The following ATXN1 variants were observed in gnomAD, a reference collection of about 807,000 sequenced individuals.
The protein encoded by ATXN1 is ataxin-1.
Under a neutral mutation model 56.4 loss-of-function variants are expected in ATXN1, and 8 were observed. The ratio of observed to expected loss-of-function variants is 0.14; its 90% CI spans 0.08 to 0.26. The LOEUF is 0.26. Among genes scored for constraint, ATXN1 ranks in the 10% least tolerant of loss-of-function variants. ATXN1 has a pLI of 1.00. For synonymous variants in ATXN1, 514 were observed against 494.6 expected, an observed-to-expected ratio of 1.04 and a Z score of -0.52; for missense variants, 987 against 1,106.5, an observed-to-expected ratio of 0.89 and a Z score of 1.53.
chr6:16,397,180 A>G (rs1449284740), intron 6 of ATXN1, among the ~76,000 whole-genome samples: 2 of 152,234 alleles, frequency 1.3e-5, no homozygotes, highest in African/African-American at 4.8e-5. Flanking sequence ...CAGTGAGAGT[A>G]TTTATATTAC....
rs138062979 is a variant in ATXN1, at chr6:16,708,070, G to A, written c.-615+45163C>T. Among the ~76,000 whole-genome samples, 385 of 152,150 alleles carry A rather than the reference G, an allele frequency of 2.5e-3. 2 individuals carry two copies. The highest frequency in any genetic ancestry group is 0.01 in the Middle Eastern group (3 of 294). Reference sequence around the variant, plus strand: ...ATGTGGTGGGGGGGAAGAATGATGCGTGTAAAATGAACATATACAATGACA... The same window carrying A: ...ATGTGGTGGGGGGGAAGAATGATGCATGTAAAATGAACATATACAATGACA... On this transcript the variant is annotated intron_variant, in intron 2 of 7. Coordinates refer to ENST00000436367, the MANE Select transcript of ATXN1 (RefSeq NM_001128164.2).
At chr6:16,681,373 C>T (rs774949104) in intron 2 of ATXN1, among the ~76,000 whole-genome samples, 17 of 152,176 alleles carry the variant, frequency 1.1e-4, no homozygotes, top group Admixed American at 1.3e-4. Context: ...CATGGGGCCA[C>T]GTGACAGCCT....
At position 16,327,458 on chromosome 6, in the gene ATXN1, GC is replaced by G; in HGVS notation, c.852del (p.Ser287ProfsTer38). The G allele has an allele frequency of 1.2e-6, 2 of 1,613,568 alleles. No homozygotes were observed. ...QTMIPHTLTL[G>X]PPSQVVMQYA... ...TATTGCATGACGACCTGGGAGGGGG[GC>G]CCCAGGGTGAGCGTGTGTGGGATCA... On this transcript the variant is annotated frameshift_variant, in exon 7 of 8. Coordinates refer to ENST00000436367, the MANE Select transcript of ATXN1 (RefSeq NM_001128164.2). LOFTEE classifies it high-confidence loss of function.
chr6:16,541,276 A>G (rs1761708648), intron 4 of ATXN1, among the ~76,000 whole-genome samples: 2 of 152,182 alleles, frequency 1.3e-5, no homozygotes. Context: ...ACTTTGAGAG[A>G]GGGTGACCAA....
chr6:16,726,318 C>T (rs1759848042), intron 2 of ATXN1, among the ~76,000 whole-genome samples: 1 of 146,364 alleles, frequency 6.8e-6, no homozygotes, highest in South Asian at 2.2e-4. Flanking sequence ...GGAGCAGAGG[C>T]TGCAGTGAGT....
chr6:16,501,673 T>C (rs940868990), intron 5 of ATXN1, among the ~76,000 whole-genome samples: 1 of 152,228 alleles, frequency 6.6e-6, no homozygotes, highest in African/African-American at 2.4e-5. Flanking sequence ...TATGGCTGCA[T>C]AGTATTCCAT....
At chr6:16,707,000 C>A (rs912692871) in intron 2 of ATXN1, among the ~76,000 whole-genome samples, 4 of 151,918 alleles carry the variant, frequency 2.6e-5, no homozygotes, top group African/African-American at 9.7e-5. Flanking sequence ...TTTCTGTCAC[C>A]TAAATGTCTC....
At chr6:16,607,081 T>C (rs1763023627) in intron 3 of ATXN1, among the ~76,000 whole-genome samples, 1 of 140,332 alleles carries the variant, frequency 7.1e-6, no homozygotes, top group Admixed American at 7.4e-5. Flanking sequence ...AGAGATGGGG[T>C]TTCACCAGTT....
chr6:16,731,467 T>C (rs1018172734), intron 2 of ATXN1, among the ~76,000 whole-genome samples: 1 of 101,510 alleles, frequency 9.9e-6, no homozygotes, highest in Non-Finnish European at 1.8e-5. Flanking sequence ...TTTTTTTTTT[T>C]TTTTTTTTTT....
intron 6 of ATXN1, among the ~76,000 whole-genome samples, chr6:16,384,902 G>C (rs569004282): frequency 3.1e-4 from 47 of 152,318 alleles, no homozygotes; most frequent in African/African-American, 1.0e-3. Context: ...TGTGAGAAGA[G>C]ACTAATACAT....
At chr6:16,608,758 G>C (rs1419874223) in intron 3 of ATXN1, among the ~76,000 whole-genome samples, 2 of 152,218 alleles carry the variant, frequency 1.3e-5, no homozygotes, top group African/African-American at 4.8e-5. Context: ...AGGGATACAG[G>C]TGTAGCTTAC....
intron 6 of ATXN1, among the ~76,000 whole-genome samples, chr6:16,369,318 GAT>G (rs1561869977): frequency 6.6e-6 from 1 of 152,152 alleles, no homozygotes; most frequent in East Asian, 1.9e-4. Flanking sequence ...AAAGAAACCC[GAT>G]ATCCAACAGA....
At chr6:16,424,412 T>C (rs989159828) in intron 6 of ATXN1, among the ~76,000 whole-genome samples, 1 of 152,182 alleles carries the variant, frequency 6.6e-6, no homozygotes, top group African/African-American at 2.4e-5. Flanking sequence ...GTTGGGAGCC[T>C]GATTTTACCC....
At chr6:16,344,958 C>T (rs1374282567) in intron 6 of ATXN1, among the ~76,000 whole-genome samples, 3 of 152,140 alleles carry the variant, frequency 2.0e-5, no homozygotes, top group East Asian at 3.9e-4. Flanking sequence ...GTCATTAGAC[C>T]GTAAACTCCG....
At chr6:16,709,048 A>T (rs1248366755) in intron 2 of ATXN1, among the ~76,000 whole-genome samples, 2 of 151,856 alleles carry the variant, frequency 1.3e-5, no homozygotes, top group African/African-American at 4.8e-5. Flanking sequence ...AGAAAAGAAA[A>T]GAAAAAGAGA....
At chr6:16,512,428 G>A (rs997321525) in intron 5 of ATXN1, among the ~76,000 whole-genome samples, 11 of 152,184 alleles carry the variant, frequency 7.2e-5, no homozygotes, top group African/African-American at 2.7e-4. Flanking sequence ...CAAAGTCATT[G>A]CTGTGTTTAC....
intron 2 of ATXN1, among the ~76,000 whole-genome samples, chr6:16,676,018 C>T (rs1758654293): frequency 6.6e-6 from 1 of 152,158 alleles, no homozygotes; most frequent in Admixed American, 6.5e-5. Flanking sequence ...AAAAATGCTG[C>T]ATTCCCAAAT....
intron 7 of ATXN1, among the ~76,000 whole-genome samples, chr6:16,310,645 C>A (rs748725633): frequency 1.3e-5 from 2 of 152,170 alleles, no homozygotes; most frequent in East Asian, 1.9e-4. Flanking sequence ...ACCACCACCA[C>A]GCCCAGCTAC....
chr6:16,525,412 A>C (rs879776862), intron 4 of ATXN1, among the ~76,000 whole-genome samples: 1 of 152,208 alleles, frequency 6.6e-6, no homozygotes, highest in Non-Finnish European at 1.5e-5. Context: ...AAGTGAAAAA[A>C]GCCAGGCACA....
Sources: gnomAD v4.1 joint callset for allele counts (sites outside exome capture counted in the v4.1 genomes callset) on GRCh38, gnomAD v4.1.1 for gene constraint, MANE v1.5 for transcripts, NCBI Gene and HGNC (gene_info 2026-07-23, HGNC 2026-07-21) for gene names.